PTOV1: variants seen among roughly 807,000 people sequenced by gnomAD.
PTOV1 encodes PTOV1 extended AT-hook containing adaptor protein.
PTOV1 carries 20 observed loss-of-function variants against 58.0 expected under a neutral mutation model. The observed-to-expected ratio is 0.34, with a 90% CI of 0.24 to 0.50. The LOEUF is 0.50. PTOV1 is among the 20% of genes least tolerant of loss of function. The pLI, the probability that PTOV1 is intolerant of heterozygous loss-of-function variation, is 0.98. For synonymous variants in PTOV1, 335 were observed against 234.2 expected (o/e 1.43, Z -3.93); for missense variants, 593 against 565.4 (o/e 1.05, Z -0.50).
At chr19:49,859,029 T>C (rs16981493) in intron 10 of PTOV1, 7,018 of 179,236 alleles carry the variant, frequency 0.039, 169 homozygotes, top group South Asian at 0.11. Flanking sequence ...CCCAGAATAT[T>C]TGGCGATTGT....
intron 6 of PTOV1, 45 bp from the exon 7 acceptor site, chr19:49,857,648 C>T (rs1388640643): frequency 6.4e-7 from 1 of 1,567,426 alleles, no homozygotes; most frequent in Admixed American, 1.7e-5. Flanking sequence ...AGACAGGTTT[C>T]CCAGGAGCCT....
At chr19:49,853,394 G>A (rs1286742010) in intron 1 of PTOV1, among the ~76,000 whole-genome samples, 1 of 151,392 alleles carries the variant, frequency 6.6e-6, no homozygotes, top group East Asian at 1.9e-4. Flanking sequence ...GGTGGCCCTC[G>A]TCTGTAATCC....
chr19:49,854,897 C>CCCG lies in PTOV1; in HGVS notation c.450+9_450+10insCCG. ...TCCCTCAGCAGCTGCTGGTGAGACC[C>CCCG]GCCCCTCCCACCCCATCCACTCTGA... On this transcript the variant is annotated intron_variant, in intron 4 of 11. Coordinates refer to ENST00000391842, the Ensembl canonical transcript of PTOV1. 3 of 1,596,624 alleles carry CCCG rather than the reference C, an allele frequency of 1.9e-6. No homozygotes were observed. Among genetic ancestry groups the CCCG allele is most frequent in the Non-Finnish European group, 2.6e-6 (3 of 1,166,698 alleles).
chr19:49,857,206 T>TG lies in PTOV1; in HGVS notation c.714+78dup, dbSNP rs1354243092. 113 of 1,563,628 alleles carry TG rather than the reference T, an allele frequency of 7.2e-5. 1 individual carries two copies. In the South Asian group the frequency reaches 1.2e-3, roughly 17 times the overall value. On this transcript the variant is annotated intron_variant, in intron 6 of 11. Transcript: ENST00000391842. ...ACTGCCCTGGTTGGGCAGCCAGACT[T>TG]GGTGTGGGCGGAGTGTGATGCGATG...
rs1459058175 is a variant in PTOV1, at chr19:49,851,458, C to T, written c.130C>T (p.Pro44Ser). 1.2e-4 allele frequency: 152 copies of T among 1,221,820 alleles called. No individual in the cohort carries two copies. The highest frequency in any genetic ancestry group is 1.5e-4 in the Non-Finnish European group (146 of 981,688). The allele number at this position is 1,221,820 out of a possible 1,614,324, so 75.7% of individuals were successfully genotyped here. A position where few individuals can be genotyped will look rare whatever the true frequency, so the allele number is the denominator to read the frequency against. ...CTCCTGGCCTGCCAGCCCCCGAGGC[C>T]CGCAGCCTCCGCGGATCCGGGCCCG... is the stretch of plus-strand genomic sequence containing the variant. The change falls in exon 1 of 12, where the codon CCG becomes TCG. Residue 44 changes from proline (P) to serine (S), a missense_variant. Physicochemically the swap from Pro to Ser is moderately conservative, Grantham distance 74 (BLOSUM62 -1). Coordinates refer to ENST00000391842, the Ensembl canonical transcript of PTOV1.
Position 49,857,205 on chromosome 19 carries a change from T to G in PTOV1, c.714+75T>G, listed in dbSNP as rs2074510772. 4 of 1,567,228 alleles carry G rather than the reference T, an allele frequency of 2.6e-6. No individual in the cohort carries two copies. The South Asian group carries it at 4.5e-5, about 17-fold the overall frequency. On this transcript the variant is annotated intron_variant, in intron 6 of 11. Transcript: ENST00000391842. ...CACTGCCCTGGTTGGGCAGCCAGAC[T>G]TGGTGTGGGCGGAGTGTGATGCGAT...
At chr19:49,858,485 G>T in intron 9 of PTOV1, 64 bp from the exon 10 acceptor site, 1 of 1,368,140 alleles carries the variant, frequency 7.3e-7, no homozygotes, top group South Asian at 1.2e-5. Flanking sequence ...GGACTCAGCG[G>T]GCTGGGAGCC....
rs774845109 is a variant in PTOV1 at position 49,856,961 on chromosome 19, C to T, written c.559-14C>T. ...GGGCAGTGACCACAGGGTCCTGACCCGCGGCCCCCGCAGGCGGGCTGCATG... is the reference window on the plus strand; with the variant it reads ...GGGCAGTGACCACAGGGTCCTGACCTGCGGCCCCCGCAGGCGGGCTGCATG... On this transcript the variant is annotated splice_polypyrimidine_tract_variant and intron_variant, in intron 5 of 11. Transcript: ENST00000391842. 2.7e-5 allele frequency: 43 copies of T among 1,611,788 alleles called. No homozygotes were observed. In the Admixed American group the frequency reaches 4.0e-4, roughly 15 times the overall value.
chr19:49,858,453 T>G, intron 9 of PTOV1, 96 bp from the exon 10 acceptor site: 1 of 956,608 alleles, frequency 1.0e-6, no homozygotes, highest in Non-Finnish European at 1.6e-6. Context: ...CAGGGGAGTC[T>G]CAGTTTGGTC....
At position 49,857,898 on chromosome 19, in the gene PTOV1, C is replaced by T. The variant is rs773782255; in HGVS notation, c.805-6C>T. On this transcript the variant is annotated splice_region_variant and splice_polypyrimidine_tract_variant and intron_variant, in intron 7 of 11. Transcript: ENST00000391842. ...TGAGGGCTCCTCTTTGCCTCTCCCC[C>T]AAAAGCCCAGGCCTGAGCCCAACAG... 7 of 1,613,412 alleles carry T rather than the reference C, an allele frequency of 4.3e-6. No individual in the cohort carries two copies. The South Asian group carries it at 6.6e-5, about 15-fold the overall frequency.
exon 12 of PTOV1, chr19:49,860,594 C>T: frequency 1.9e-6 from 1 of 529,622 alleles, no homozygotes; most frequent in Admixed American, 3.5e-5. Context: ...CAGCAGCCCC[C>T]ACTGCACCCC....
At chr19:49,857,870 C>G in intron 7 of PTOV1, 34 bp from the exon 8 acceptor site, 19 of 1,612,308 alleles carry the variant, frequency 1.2e-5, no homozygotes, top group Non-Finnish European at 1.6e-5. Context: ...GGGTCTCCAG[C>G]CCTGAGGGCT....
At chr19:49,852,001 C>T (rs1280321564) in intron 1 of PTOV1, 13 of 985,396 alleles carry the variant, frequency 1.3e-5, no homozygotes, top group Non-Finnish European at 1.6e-5. Flanking sequence ...CGCCCGCGCC[C>T]ACATGTGGGA....
At chr19:49,851,901 C>G in intron 1 of PTOV1, 1 of 984,700 alleles carries the variant, frequency 1.0e-6, no homozygotes, top group Non-Finnish European at 1.2e-6. Flanking sequence ...GAGGGGCCCG[C>G]GCTTTGTACC....
intron 10 of PTOV1, 189 bp downstream of exon 10, chr19:49,858,842 C>CCCTGGTTCTGCGGGGG: frequency 1.8e-6 from 1 of 563,034 alleles, no homozygotes; most frequent in Non-Finnish European, 3.2e-6. Flanking sequence ...GGGGCACTGA[C>CCCTGGTTCTGCGGGGG]CCTGGTTCTG....
chr19:49,857,930 C>T (rs547933623), exon 8 of PTOV1: 6 of 1,613,900 alleles, frequency 3.7e-6, no homozygotes, highest in South Asian at 3.3e-5. Context: ...ACAGTCGGTC[C>T]AAGAGGTGGC....
chr19:49,851,496 C>A, exon 1 of PTOV1: 1 of 1,218,364 alleles, frequency 8.2e-7, no homozygotes, highest in Non-Finnish European at 1.0e-6. Context: ...CGGCCCCTCC[C>A]ATGGTGAGCC....
At chr19:49,857,764 T>G (rs1289015018) in exon 7 of PTOV1, 3 of 1,613,922 alleles carry the variant, frequency 1.9e-6, no homozygotes, top group Middle Eastern at 1.6e-4. Context: ...CATGGAGTGG[T>G]GTCATGGAGT....
intron 3 of PTOV1, 48 bp downstream of exon 3, chr19:49,854,782 G>T: frequency 1.2e-6 from 2 of 1,613,178 alleles, no homozygotes; most frequent in Non-Finnish European, 1.7e-6. Context: ...GGCAGTGGCT[G>T]TGGCCGTGGG....
Sources: allele counts gnomAD v4.1 joint callset (sites outside exome capture counted in the v4.1 genomes callset), GRCh38; gene constraint gnomAD v4.1.1; transcripts MANE v1.5; gene names NCBI Gene and HGNC (gene_info 2026-07-23, HGNC 2026-07-21).